SGCZ: variants seen among roughly 807,000 people sequenced by gnomAD.
SGCZ encodes sarcoglycan zeta.
A neutral mutation model predicts 41.3 loss-of-function variants in SGCZ; 40 were observed. The ratio of observed to expected loss-of-function variants is 0.97; its 90% CI spans 0.75 to 1.26. The LOEUF (loss-of-function observed/expected upper bound fraction) is 1.26. Among genes scored for constraint, SGCZ ranks in the 50% most tolerant of loss-of-function variants. The pLI is 0.00. For synonymous variants in SGCZ, 206 were observed against 137.5 expected (o/e 1.50, Z -3.49); for missense variants, 552 against 369.8 (o/e 1.49, Z -4.04).
intron 1 of SGCZ, among the ~76,000 whole-genome samples, chr8:15,213,599 A>C (rs891857927): frequency 1.3e-5 from 2 of 151,704 alleles, no homozygotes; most frequent in African/African-American, 4.8e-5. Context: ...CTTTTATAAG[A>C]TATCTAAAGT....
intron 3 of SGCZ, among the ~76,000 whole-genome samples, chr8:14,247,159 T>A (rs1799126960): frequency 1.3e-5 from 2 of 152,160 alleles, no homozygotes; most frequent in Middle Eastern, 3.4e-3. Flanking sequence ...CTCTGATACT[T>A]TTATTGAGAA....
intron 4 of SGCZ, among the ~76,000 whole-genome samples, chr8:14,211,717 G>T (rs1488506755): frequency 6.6e-6 from 1 of 152,080 alleles, no homozygotes; most frequent in Non-Finnish European, 1.5e-5. Context: ...CATCTCGTGA[G>T]AACTCACTCA....
chr8:14,881,361 A>C (rs1289988093), intron 1 of SGCZ, among the ~76,000 whole-genome samples: 2 of 152,026 alleles, frequency 1.3e-5, no homozygotes, highest in Non-Finnish European at 2.9e-5. Flanking sequence ...ATCCCACTCC[A>C]TTTCGACCCC....
intron 5 of SGCZ, among the ~76,000 whole-genome samples, chr8:14,142,781 C>T (rs575127042): frequency 1.3e-5 from 2 of 152,082 alleles, no homozygotes; most frequent in Non-Finnish European, 2.9e-5. Context: ...TGCTGTCATC[C>T]CTGTTGTGAG....
chr8:14,179,499 C>A (rs1380588162), intron 4 of SGCZ, among the ~76,000 whole-genome samples: 1 of 152,188 alleles, frequency 6.6e-6, no homozygotes, highest in African/African-American at 2.4e-5. Context: ...AGTCTGGTTG[C>A]ACAGGACCTG....
Position 14,309,165 on chromosome 8 carries a change from A to C in SGCZ, c.336+14938T>G. ...AGATGGGCACTCTGGTTTTTTAAAA[A>C]CGAAAAAAGCAAAACTTGGCAAGCA... is the stretch of plus-strand genomic sequence containing the variant. On this transcript the variant is annotated intron_variant, in intron 3 of 7. Transcript: ENST00000382080. The C allele has an allele frequency of 3.4e-6, 5 of 1,474,578 alleles. 1 individual carries two copies. In the South Asian group the frequency reaches 5.7e-5, roughly 17 times the overall value. 91.3% of individuals were successfully genotyped at this position (1,474,578 alleles called of 1,614,324 possible).
chr8:14,721,428 C>A (rs1194841441), intron 1 of SGCZ, among the ~76,000 whole-genome samples: 1 of 152,202 alleles, frequency 6.6e-6, no homozygotes, highest in East Asian at 1.9e-4. Context: ...CTTCTGTCAT[C>A]TTCTACCATG....
Position 14,726,324 on chromosome 8 carries a change from CTA to C in SGCZ, c.40-171400_40-171399del, listed in dbSNP as rs1362751704. The stretch of plus-strand genomic sequence containing the variant: ...TATGTGTAAATACATATATATATAT[CTA>C]TATATATATATATATAAAATTAGAT... On this transcript the variant is annotated intron_variant, in intron 1 of 7. Coordinates refer to ENST00000382080, the MANE Select transcript of SGCZ (RefSeq NM_139167.4). Among the ~76,000 whole-genome samples, 546 of 121,172 alleles carry C rather than the reference CTA, an allele frequency of 4.5e-3. 9 individuals carry two copies. Among genetic ancestry groups the C allele is most frequent in the Admixed American group, 7.2e-3 (82 of 11,396 alleles). 79.5% of individuals were successfully genotyped at this position (121,172 alleles called of 152,430 possible).
intron 2 of SGCZ, among the ~76,000 whole-genome samples, chr8:14,552,737 G>A (rs927427069): frequency 2.0e-5 from 3 of 151,966 alleles, no homozygotes; most frequent in African/African-American, 7.2e-5. Flanking sequence ...ATCCAGCCTT[G>A]GTGTCAGCAT....
In SGCZ at chr8:14,446,173, A is replaced by G. The variant is rs1018222869; in HGVS notation, c.234+108559T>C. Reference sequence around the variant, plus strand: ...ATATACCACCAGCTCCAATAACTGAATCTTCAGCAAGCCCAGCTGCTGAAG... The same window carrying G: ...ATATACCACCAGCTCCAATAACTGAGTCTTCAGCAAGCCCAGCTGCTGAAG... On this transcript the variant is annotated intron_variant, in intron 2 of 7. Transcript: ENST00000382080. 1.2e-4 allele frequency among the ~76,000 whole-genome samples: 19 copies of G among 152,116 alleles called. 1 individual carries two copies. Among genetic ancestry groups the G allele is most frequent in the Non-Finnish European group, 2.5e-4 (17 of 68,020 alleles).
At chr8:14,594,871 T>C (rs1240321494) in intron 1 of SGCZ, among the ~76,000 whole-genome samples, 1 of 151,888 alleles carries the variant, frequency 6.6e-6, no homozygotes, top group Non-Finnish European at 1.5e-5. Flanking sequence ...TACATATTAT[T>C]TTCTGTGTCT....
intron 2 of SGCZ, among the ~76,000 whole-genome samples, chr8:14,421,083 A>T (rs1203639032): frequency 6.6e-6 from 1 of 152,100 alleles, no homozygotes; most frequent in African/African-American, 2.4e-5. Context: ...TGATTTTTCC[A>T]TTCTTTCCCC....
intron 2 of SGCZ, among the ~76,000 whole-genome samples, chr8:14,535,826 T>C (rs1165186730): frequency 6.6e-6 from 1 of 151,750 alleles, no homozygotes. Context: ...ATTTTAATTA[T>C]CCAAGTTAGA....
chr8:14,976,929 T>C (rs903268412), intron 1 of SGCZ, among the ~76,000 whole-genome samples: 3 of 152,228 alleles, frequency 2.0e-5, no homozygotes. Flanking sequence ...TGACGTACAT[T>C]GTTGAATTTA....
At chr8:15,023,395 C>A (rs1302185627) in intron 1 of SGCZ, among the ~76,000 whole-genome samples, 2 of 152,232 alleles carry the variant, frequency 1.3e-5, no homozygotes, top group Non-Finnish European at 2.9e-5. Context: ...AAGTGGAAGA[C>A]AACAAGATGC....
chr8:14,729,386 C>A (rs192633318), intron 1 of SGCZ, among the ~76,000 whole-genome samples: 47 of 152,204 alleles, frequency 3.1e-4, no homozygotes, highest in African/African-American at 1.1e-3. Flanking sequence ...ACATTGAAAC[C>A]CTAAACTTCA....
intron 1 of SGCZ, among the ~76,000 whole-genome samples, chr8:15,030,320 T>C (rs551279523): frequency 1.3e-5 from 2 of 152,332 alleles, no homozygotes; most frequent in East Asian, 3.9e-4. Flanking sequence ...GTGAAAATCT[T>C]TCTATTCTAA....
chr8:14,331,126 A>T (rs911722755), intron 2 of SGCZ, among the ~76,000 whole-genome samples: 10 of 151,874 alleles, frequency 6.6e-5, no homozygotes, highest in African/African-American at 2.4e-4. Context: ...CAGTTTCGAG[A>T]CAACTTGGAG....
At chr8:14,696,411 T>C (rs1342200714) in intron 1 of SGCZ, among the ~76,000 whole-genome samples, 1 of 152,138 alleles carries the variant, frequency 6.6e-6, no homozygotes, top group Non-Finnish European at 1.5e-5. Flanking sequence ...ACAAGCTGTT[T>C]ATTAAAGCAT....
Sources: gnomAD v4.1 joint callset for allele counts (sites outside exome capture counted in the v4.1 genomes callset) on GRCh38, gnomAD v4.1.1 for gene constraint, MANE v1.5 for transcripts, NCBI Gene and HGNC (gene_info 2026-07-23, HGNC 2026-07-21) for gene names.